Variants in FREM1 observed in about 807,000 individuals in gnomAD.
The protein encoded by FREM1 is FRAS1-related extracellular matrix protein 1.
A neutral mutation model predicts 210.1 loss-of-function variants in FREM1; 220 were observed. That is an observed-to-expected ratio of 1.05 (90% CI 0.94 to 1.17). The LOEUF (loss-of-function observed/expected upper bound fraction) is 1.17. Ranked by LOEUF, FREM1 falls within the 50% of genes most tolerant of loss-of-function variation. The probability of loss-of-function intolerance (pLI) is 0.00; values close to 1 mark genes in which losing one functional copy is unlikely to be tolerated. For synonymous variants in FREM1, 1,189 were observed against 980.2 expected (o/e 1.21, Z -3.98); for missense variants, 3,454 against 2,675.5 (o/e 1.29, Z -6.42).
At chr9:14,773,086 T>A (rs963259506) in intron 25 of FREM1, among the ~76,000 whole-genome samples, 4 of 152,208 alleles carry the variant, frequency 2.6e-5, no homozygotes, top group Non-Finnish European at 5.9e-5. Context: ...CATTTTTAAA[T>A]ATTGGGTTGC....
rs747453378 is a variant in FREM1 at position 14,740,134 on chromosome 9, C to G, written c.6340+15G>C. The G allele has an allele frequency of 1.9e-6, 3 of 1,588,382 alleles. No individual in the cohort carries two copies. In the South Asian group the frequency reaches 3.3e-5, roughly 18 times the overall value. ...TGCCTCCCTCCTCAGTGCAGCCTCCCTCCCAGATACTTGCCTATCCAAAAG... is the reference window on the plus strand; with the variant it reads ...TGCCTCCCTCCTCAGTGCAGCCTCCGTCCCAGATACTTGCCTATCCAAAAG... On this transcript the variant is annotated intron_variant, in intron 36 of 36. Coordinates refer to ENST00000380880, the MANE Select transcript of FREM1 (RefSeq NM_001379081.2).
chr9:14,766,572 T>A (rs1227917663), intron 27 of FREM1, among the ~76,000 whole-genome samples: 2 of 152,166 alleles, frequency 1.3e-5, no homozygotes, highest in Non-Finnish European at 2.9e-5. Context: ...TAATGCTTTT[T>A]AGAGTGGAGC....
At chr9:14,815,641 G>C (rs1820153611) in intron 15 of FREM1, among the ~76,000 whole-genome samples, 2 of 151,956 alleles carry the variant, frequency 1.3e-5, no homozygotes, top group African/African-American at 2.4e-5. Context: ...AAGTCCCTTG[G>C]GCATGCATTC....
rs759912304 is a variant in FREM1, at chr9:14,859,451, A to G, written c.363T>C (p.Phe121=). The change falls in exon 4 of 37, where the codon TTT becomes TTC. Residue 121 remains phenylalanine, a synonymous_variant. Coordinates refer to ENST00000380880, the MANE Select transcript of FREM1 (RefSeq NM_001379081.2). ...GTTCCAGGAGATAGACCCACAGGAT[A>G]AAAGTTTCTATGAAGGTATCTCTTT... ...FTERDTFIET[F]ILWVYLLEPD... The G allele has an allele frequency of 1.2e-6, 2 of 1,613,480 alleles. No individual in the cohort carries two copies. Among genetic ancestry groups the G allele is most frequent in the African/African-American group, 1.3e-5 (1 of 74,926 alleles).
At chr9:14,855,735 G>A (rs533022534) in intron 5 of FREM1, among the ~76,000 whole-genome samples, 7 of 151,416 alleles carry the variant, frequency 4.6e-5, no homozygotes. Flanking sequence ...ATAAGCTATG[G>A]AATAGGTTAA....
intron 19 of FREM1, among the ~76,000 whole-genome samples, chr9:14,804,533 C>G (rs542403784): frequency 6.6e-6 from 1 of 152,092 alleles, no homozygotes; most frequent in Admixed American, 6.5e-5. Context: ...TGCAGTGAGC[C>G]GAGGTCGCGC....
intron 36 of FREM1, among the ~76,000 whole-genome samples, chr9:14,739,476 A>ATATATAT (rs1554633080): frequency 1.8e-4 from 18 of 100,096 alleles, no homozygotes; most frequent in Non-Finnish European, 2.9e-4. Flanking sequence ...ATATATATAT[A>ATATATAT]ATTCATATAT....
chr9:14,769,816 A>G lies in FREM1; in HGVS notation c.5112T>C (p.Ile1704=). Residue 1704 remains isoleucine (I), a synonymous_variant, in exon 27 of 37, where the codon ATT becomes ATC. Transcript: ENST00000380880. ...FSQKDLNSKT[I]LYIINPSLEV... ...CCAAAGATGGGTTTATGATGTAAAG[A>G]ATAGTCTTACTGTTTAAGTCCTTTT... 3 of 1,607,686 alleles carry G rather than the reference A, an allele frequency of 1.9e-6. No homozygotes were observed. The highest frequency in any genetic ancestry group is 1.1e-5 in the South Asian group (1 of 90,430).
intron 35 of FREM1, among the ~76,000 whole-genome samples, chr9:14,744,878 T>C (rs1284621649): frequency 1.3e-5 from 2 of 152,196 alleles, no homozygotes; most frequent in Non-Finnish European, 2.9e-5. Flanking sequence ...ATGAGAATTC[T>C]ATTTGCTCTG....
intron 1 of FREM1, among the ~76,000 whole-genome samples, chr9:14,871,697 G>T (rs1178454598): frequency 6.6e-6 from 1 of 152,050 alleles, no homozygotes; most frequent in Non-Finnish European, 1.5e-5. Flanking sequence ...TGTTTCCATT[G>T]CTTTTGGTGT....
chr9:14,737,630 T>C, intron 36 of FREM1, 35 bp from the exon 37 acceptor site: 1 of 1,425,440 alleles, frequency 7.0e-7, no homozygotes, highest in South Asian at 1.6e-5. Flanking sequence ...CAATTACTTT[T>C]ATTGCGTTTA....
In FREM1 at chr9:14,742,930, C is replaced by T. The variant is rs187904034; in HGVS notation, c.6255-2696G>A. 3.4e-3 allele frequency among the ~76,000 whole-genome samples: 524 copies of T among 152,196 alleles called. 4 individuals carry two copies. Among genetic ancestry groups the T allele is most frequent in the African/African-American group, 0.012 (505 of 41,558 alleles). On this transcript the variant is annotated intron_variant, in intron 35 of 36. Coordinates refer to ENST00000380880, the MANE Select transcript of FREM1 (RefSeq NM_001379081.2). ...AAGGATGAAAAACTAAATTCTATCTCTTTCATTTACTTCCTTGTATACCTG... is the reference window on the plus strand; with the variant it reads ...AAGGATGAAAAACTAAATTCTATCTTTTTCATTTACTTCCTTGTATACCTG...
intron 14 of FREM1, among the ~76,000 whole-genome samples, chr9:14,817,558 A>G (rs10121741): frequency 0.17 from 25,123 of 152,166 alleles, 2,217 homozygotes; most frequent in African/African-American, 0.23. Context: ...AGCCCATTGC[A>G]GTGATGCTTG....
intron 25 of FREM1, among the ~76,000 whole-genome samples, chr9:14,771,027 A>G (rs1311700057): frequency 6.6e-6 from 1 of 152,134 alleles, no homozygotes; most frequent in East Asian, 1.9e-4. Context: ...CCTTGACTCC[A>G]CTTTATCAAT....
At chr9:14,798,949 C>T (rs112433374) in intron 20 of FREM1, among the ~76,000 whole-genome samples, 44,166 of 151,130 alleles carry the variant, frequency 0.29, 7,251 homozygotes, top group Middle Eastern at 0.39. Flanking sequence ...GCTGGGATTA[C>T]ACGTGTGAAC....
chr9:14,861,320 C>CACATATAT lies in FREM1; in HGVS notation c.330-1844_330-1837dup, dbSNP rs1183965979. 1.8e-5 allele frequency among the ~76,000 whole-genome samples: 2 copies of CACATATAT among 111,116 alleles called. 1 individual carries two copies. The highest frequency in any genetic ancestry group is 1.8e-4 in the Admixed American group (2 of 10,976). The allele number at this position is 111,116 out of a possible 152,430, so 72.9% of individuals were successfully genotyped here. On this transcript the variant is annotated intron_variant, in intron 3 of 36. Coordinates refer to ENST00000380880, the MANE Select transcript of FREM1 (RefSeq NM_001379081.2). ...ATATATACACATATATACATATATA[C>CACATATAT]ACATATATACATATATACACATATA...
chr9:14,747,516 A>C (rs1162153051), intron 32 of FREM1, 88 bp from the exon 33 acceptor site: 7 of 1,344,444 alleles, frequency 5.2e-6, no homozygotes, highest in Non-Finnish European at 7.1e-6. Flanking sequence ...AAATTCAGTC[A>C]AAGCAAAAAG....
At chr9:14,769,562 A>G (rs779386378) in intron 27 of FREM1, among the ~76,000 whole-genome samples, 162 bp downstream of exon 27, 4 of 152,226 alleles carry the variant, frequency 2.6e-5, no homozygotes, top group South Asian at 4.1e-4. Context: ...AAGCAGTAAT[A>G]AAAAGAAAAT....
chr9:14,779,645 T>A (rs928981385), intron 24 of FREM1: 1 of 188,582 alleles, frequency 5.3e-6, no homozygotes, highest in Non-Finnish European at 9.9e-6. Context: ...TGATCCAGGC[T>A]GTCCATCTCA....
Sources: gnomAD v4.1 joint callset for allele counts (sites outside exome capture counted in the v4.1 genomes callset) on GRCh38, gnomAD v4.1.1 for gene constraint, MANE v1.5 for transcripts, NCBI Gene and HGNC (gene_info 2026-07-23, HGNC 2026-07-21) for gene names.